SMURF1: variants seen among roughly 807,000 people sequenced by gnomAD.
SMURF1 encodes the protein SMAD specific E3 ubiquitin protein ligase 1.
Under a neutral mutation model 98.0 loss-of-function variants are expected in SMURF1, and 44 were observed. The observed-to-expected ratio is 0.45, with a 90% confidence interval of 0.35 to 0.58. SMURF1 has a LOEUF of 0.58. Among genes scored for constraint, SMURF1 ranks in the 20% least tolerant of loss-of-function variants. The pLI is 0.00. For synonymous variants in SMURF1, 396 were observed against 374.9 expected (o/e 1.06, Z -0.65); for missense variants, 687 against 938.4 (o/e 0.73, Z 3.50).
In SMURF1 at chr7:99,057,570, A is replaced by C. The variant is rs775067012; in HGVS notation, c.204-19T>G. ...AACATATCTGGAAAGAAAGTGCAAA[A>C]CTCATTTTTAATTGTGTTTGGTTTT... On this transcript the variant is annotated intron_variant, in intron 3 of 17. Coordinates refer to ENST00000361368, the MANE Select transcript of SMURF1 (RefSeq NM_181349.3). 4.0e-6 allele frequency: 6 copies of C among 1,496,670 alleles called. No individual in the cohort carries two copies. The highest frequency in any genetic ancestry group is 1.4e-5 in the South Asian group (1 of 72,482). The allele number at this position is 1,496,670 out of a possible 1,614,324, so 92.7% of individuals were successfully genotyped here.
At chr7:99,061,354 C>A (rs530225121) in intron 2 of SMURF1, among the ~76,000 whole-genome samples, 1 of 152,176 alleles carries the variant, frequency 6.6e-6, no homozygotes, top group South Asian at 2.1e-4. Context: ...GGAGTGATTC[C>A]TTCCTTTAGA....
rs565842233 is a variant in SMURF1, at chr7:99,131,728, A to T, written c.55+11998T>A. 2.6e-5 allele frequency among the ~76,000 whole-genome samples: 4 copies of T among 152,248 alleles called. No individual in the cohort carries two copies. The East Asian group carries it at 7.7e-4, about 29-fold the overall frequency. On this transcript the variant is annotated intron_variant, in intron 1 of 17. Coordinates refer to ENST00000361368, the MANE Select transcript of SMURF1 (RefSeq NM_181349.3). Reference sequence around the variant, plus strand: ...CAAGATCCTGTCTCAAAGAAAATGCAGTGAAGAGGGAGGAAAAGAGGCCCT... The same window carrying T: ...CAAGATCCTGTCTCAAAGAAAATGCTGTGAAGAGGGAGGAAAAGAGGCCCT...
rs550857622 is a variant in SMURF1, at chr7:99,143,479, G to A, written c.55+247C>T. 1.7e-4 allele frequency among the ~76,000 whole-genome samples: 24 copies of A among 142,306 alleles called. No homozygotes were observed. In the South Asian group the frequency reaches 5.5e-3, roughly 33 times the overall value. 93.4% of individuals were successfully genotyped at this position (142,306 alleles called of 152,430 possible). On this transcript the variant is annotated intron_variant, in intron 1 of 17. Transcript: ENST00000361368. Reference sequence around the variant, plus strand: ...GGCGGGGCCAGGACGGAGATGCGAGGGGGCAGGTGCGGGGGAACGGGAGGG... The same window carrying A: ...GGCGGGGCCAGGACGGAGATGCGAGAGGGCAGGTGCGGGGGAACGGGAGGG...
intron 13 of SMURF1, 51 bp from the exon 14 acceptor site, chr7:99,038,576 G>C (rs1487868298): frequency 8.2e-6 from 13 of 1,589,904 alleles, no homozygotes; most frequent in Non-Finnish European, 1.0e-5. Context: ...CACCACGCGG[G>C]GCCATTGGGT....
chr7:99,027,544 C>G lies in SMURF1; in HGVS notation c.*3040G>C, dbSNP rs1794735012. ...TTTGTGTTTCCAGCTGGTTCCATAA[C>G]CACATTAAATAGAACTAGTATTTCA... is the stretch of plus-strand genomic sequence containing the variant. On this transcript the variant is annotated 3_prime_UTR_variant, in exon 18 of 18. Transcript: ENST00000361368. 6.6e-6 allele frequency: 1 copy of G among 152,602 alleles called. No individual in the cohort carries two copies. The allele number at this position is 152,602 out of a possible 1,614,324, so 9.5% of individuals were successfully genotyped here.
chr7:99,037,869 G>A (rs1795208145), intron 14 of SMURF1, among the ~76,000 whole-genome samples: 1 of 152,206 alleles, frequency 6.6e-6, no homozygotes. Context: ...TGGCAACATA[G>A]CAAGACCATG....
rs370012321 is a variant in SMURF1, at chr7:99,049,284, C to T, written c.953+279G>A. 39 of 381,272 alleles carry T rather than the reference C, an allele frequency of 1.0e-4. No individual in the cohort carries two copies. In the East Asian group the frequency reaches 2.3e-3, roughly 22 times the overall value. The allele number at this position is 381,272 out of a possible 1,614,324, so 23.6% of individuals were successfully genotyped here. On this transcript the variant is annotated intron_variant, in intron 9 of 17. Coordinates refer to ENST00000361368, the MANE Select transcript of SMURF1 (RefSeq NM_181349.3). ...ACGTGTCTCATGAGAGCGCTGCGTG[C>T]GGAAACTTCCTTCGTGCAGCCGCCT...
At chr7:99,104,551 G>A (rs73399272) in intron 1 of SMURF1, among the ~76,000 whole-genome samples, 1,852 of 152,212 alleles carry the variant, frequency 0.012, 40 homozygotes, top group African/African-American at 0.043. Flanking sequence ...CTACTTGATC[G>A]GATTTTTAAT....
intron 1 of SMURF1, among the ~76,000 whole-genome samples, chr7:99,084,592 C>A (rs1365080884): frequency 1.3e-5 from 2 of 152,124 alleles, no homozygotes; most frequent in South Asian, 2.1e-4. Context: ...GAATATATGG[C>A]CAGGATAGTC....
chr7:99,097,007 T>C (rs1291108317), intron 1 of SMURF1, among the ~76,000 whole-genome samples: 2 of 151,944 alleles, frequency 1.3e-5, no homozygotes, highest in Non-Finnish European at 2.9e-5. Context: ...ACTTGGATAG[T>C]AGACATCACA....
At chr7:99,073,448 A>G (rs1796378878) in intron 1 of SMURF1, among the ~76,000 whole-genome samples, 1 of 145,274 alleles carries the variant, frequency 6.9e-6, no homozygotes, top group African/African-American at 2.5e-5. Context: ...CAATAGATTC[A>G]TAAGATCATT....
intron 1 of SMURF1, among the ~76,000 whole-genome samples, chr7:99,067,650 G>C (rs1219119201): frequency 6.6e-6 from 1 of 152,102 alleles, no homozygotes; most frequent in African/African-American, 2.4e-5. Context: ...AAAAGATAGG[G>C]TTACAAAAAT....
chr7:99,056,403 C>T (rs3801240), intron 5 of SMURF1, among the ~76,000 whole-genome samples: 13,449 of 152,188 alleles, frequency 0.088, 729 homozygotes, highest in East Asian at 0.21. Flanking sequence ...TTCCAACAGA[C>T]TGCCTCTAGC....
At position 99,035,699 on chromosome 7, in the gene SMURF1, C is replaced by T; in HGVS notation, c.1827G>A (p.Leu609=). 1 of 1,614,114 alleles carries T rather than the reference C, an allele frequency of 6.2e-7. No homozygotes were observed. Among genetic ancestry groups the T allele is most frequent in the Non-Finnish European group, 8.5e-7 (1 of 1,179,984 alleles). The change falls in exon 16 of 18, where the codon CTG becomes CTA. Residue 609 remains leucine (L), a synonymous_variant. Transcript: ENST00000361368. ...QKELELIIGG[L]DKIDLNDWKS... Reference sequence around the variant, plus strand: ...TCCAGTCGTTCAAGTCTATTTTATCCAGGCCGCCTATGATCAGCTGAGGAG... The same window carrying T: ...TCCAGTCGTTCAAGTCTATTTTATCTAGGCCGCCTATGATCAGCTGAGGAG...
chr7:99,057,348 A>G (rs1437333393), intron 4 of SMURF1, 70 bp downstream of exon 4: 1 of 1,612,562 alleles, frequency 6.2e-7, no homozygotes. Context: ...TTCAGCGATC[A>G]AAACAAAAAA....
At chr7:99,134,761 G>T (rs923901252) in intron 1 of SMURF1, among the ~76,000 whole-genome samples, 7 of 152,080 alleles carry the variant, frequency 4.6e-5, no homozygotes, top group African/African-American at 1.7e-4. Context: ...ATAGGTCAGA[G>T]ATAACCCCAA....
At position 99,047,780 on chromosome 7, in the gene SMURF1, T is replaced by C. The variant is rs571946457; in HGVS notation, c.1056A>G (p.Leu352=). ...GTCTGAGGACTTTCAGCTTCTGGACTAGATCTCTTTCGTATCTCTGGGCAG... is the reference window on the plus strand; with the variant it reads ...GTCTGAGGACTTTCAGCTTCTGGACCAGATCTCTTTCGTATCTCTGGGCAG... ...ELPAQRYERD[L]VQKLKVLRHE... Residue 352 remains leucine, a synonymous_variant, in exon 10 of 18, where the codon CTA becomes CTG. Coordinates refer to ENST00000361368, the MANE Select transcript of SMURF1 (RefSeq NM_181349.3). The C allele has an allele frequency of 1.2e-6, 2 of 1,614,224 alleles. 1 individual carries two copies. Among genetic ancestry groups the C allele is most frequent in the South Asian group, 2.2e-5 (2 of 91,082 alleles).
chr7:99,064,270 C>T (rs1011531575), intron 1 of SMURF1, among the ~76,000 whole-genome samples: 2 of 152,182 alleles, frequency 1.3e-5, no homozygotes, highest in African/African-American at 4.8e-5. Context: ...CAGAGTGATA[C>T]TGGCCTCATA....
intron 1 of SMURF1, among the ~76,000 whole-genome samples, chr7:99,062,933 T>G (rs1796067943): frequency 6.6e-6 from 1 of 151,938 alleles, no homozygotes; most frequent in African/African-American, 2.4e-5. Context: ...AATGAGGTAG[T>G]ATCAATTACT....
Sources: gnomAD v4.1 joint callset for allele counts (sites outside exome capture counted in the v4.1 genomes callset) on GRCh38, gnomAD v4.1.1 for gene constraint, MANE v1.5 for transcripts, NCBI Gene and HGNC (gene_info 2026-07-23, HGNC 2026-07-21) for gene names.